The following CNTNAP2 variants were observed in gnomAD, a reference collection of about 807,000 sequenced individuals.
CNTNAP2 encodes the protein contactin associated protein 2.
CNTNAP2 carries 98 observed loss-of-function variants against 155.2 expected under a neutral mutation model. The ratio of observed to expected loss-of-function variants is 0.63; its 90% CI spans 0.54 to 0.75. The LOEUF is 0.75. Among genes scored for constraint, CNTNAP2 ranks in the 30% least tolerant of loss-of-function variants. The probability of loss-of-function intolerance (pLI) is 0.00; values close to 1 mark genes in which losing one functional copy is unlikely to be tolerated. For missense variants in CNTNAP2, 1,727 were observed against 1,688.1 expected (o/e 1.02, Z -0.40); for synonymous variants, 651 against 631.2 (o/e 1.03, Z -0.47).
intron 20 of CNTNAP2, among the ~76,000 whole-genome samples, chr7:148,234,432 G>A (rs1330953572): frequency 2.6e-5 from 4 of 152,152 alleles, no homozygotes; most frequent in Non-Finnish European, 5.9e-5. Flanking sequence ...ACCCACCATT[G>A]AAACATTACA....
chr7:146,597,508 T>G (rs1298719921), intron 1 of CNTNAP2, among the ~76,000 whole-genome samples: 1 of 152,080 alleles, frequency 6.6e-6, no homozygotes, highest in East Asian at 1.9e-4. Flanking sequence ...GTTTTATATA[T>G]AGAAGTATAT....
intron 1 of CNTNAP2, among the ~76,000 whole-genome samples, chr7:146,190,083 C>T (rs533822553): frequency 2.0e-5 from 3 of 152,254 alleles, no homozygotes; most frequent in Non-Finnish European, 4.4e-5. Flanking sequence ...CAGGTAATAA[C>T]GGAGATATAC....
intron 14 of CNTNAP2, among the ~76,000 whole-genome samples, chr7:147,947,538 A>C (rs1800842359): frequency 6.6e-6 from 1 of 151,830 alleles, no homozygotes; most frequent in African/African-American, 2.4e-5. Flanking sequence ...TGAGGTGGGA[A>C]GAATTGCTTA....
chr7:146,460,600 A>G (rs982436662), intron 1 of CNTNAP2, among the ~76,000 whole-genome samples: 3 of 152,222 alleles, frequency 2.0e-5, no homozygotes, highest in African/African-American at 7.2e-5. Flanking sequence ...ATACACATAT[A>G]TAATGAATAT....
At chr7:146,960,800 A>C (rs1441678839) in intron 3 of CNTNAP2, among the ~76,000 whole-genome samples, 3 of 152,162 alleles carry the variant, frequency 2.0e-5, no homozygotes, top group Admixed American at 1.3e-4. Context: ...CCTTTTAGAA[A>C]ATCCCCATAC....
intron 1 of CNTNAP2, among the ~76,000 whole-genome samples, chr7:146,236,958 A>T (rs144328927): frequency 6.6e-6 from 1 of 152,184 alleles, no homozygotes; most frequent in Non-Finnish European, 1.5e-5. Context: ...CAAGAGCTCA[A>T]GATAGCATTT....
chr7:146,366,219 A>T (rs532079718), intron 1 of CNTNAP2, among the ~76,000 whole-genome samples: 121 of 151,842 alleles, frequency 8.0e-4, no homozygotes, highest in African/African-American at 2.3e-3. Flanking sequence ...ATTCTGTGAC[A>T]TAGTGAGAAT....
chr7:147,022,109 C>T (rs1052460077), intron 3 of CNTNAP2, among the ~76,000 whole-genome samples: 3 of 152,016 alleles, frequency 2.0e-5, no homozygotes, highest in Non-Finnish European at 2.9e-5. Context: ...TTTGCTATTT[C>T]TTTGTTGCAG....
At chr7:147,902,206 A>G (rs556460025) in intron 13 of CNTNAP2, among the ~76,000 whole-genome samples, 1 of 152,288 alleles carries the variant, frequency 6.6e-6, no homozygotes, top group Admixed American at 6.5e-5. Flanking sequence ...TTCCAAGGAG[A>G]GAGGTACATA....
intron 15 of CNTNAP2, among the ~76,000 whole-genome samples, chr7:148,096,279 ATGTG>A (rs3056207): frequency 0.23 from 32,569 of 144,544 alleles, 3,800 homozygotes; most frequent in East Asian, 0.43. Flanking sequence ...GCATGCATGC[ATGTG>A]TGTGTGTGTG....
At chr7:146,603,687 A>G (rs924771167) in intron 1 of CNTNAP2, among the ~76,000 whole-genome samples, 4 of 151,338 alleles carry the variant, frequency 2.6e-5, no homozygotes, top group Admixed American at 2.0e-4. Flanking sequence ...ACAAGGCTAC[A>G]GTAACCAAAA....
At chr7:147,955,241 G>A (rs1400757784) in intron 14 of CNTNAP2, among the ~76,000 whole-genome samples, 1 of 152,126 alleles carries the variant, frequency 6.6e-6, no homozygotes, top group Non-Finnish European at 1.5e-5. Context: ...TTATTTTTAT[G>A]AGTTTTACAT....
At chr7:147,070,848 T>C (rs1167090593) in intron 4 of CNTNAP2, among the ~76,000 whole-genome samples, 1 of 152,048 alleles carries the variant, frequency 6.6e-6, no homozygotes, top group East Asian at 1.9e-4. Context: ...TCATTTACGA[T>C]GGAAATGTAT....
chr7:147,716,251 G>A (rs538873880), intron 13 of CNTNAP2, among the ~76,000 whole-genome samples: 71 of 152,012 alleles, frequency 4.7e-4, no homozygotes, highest in Non-Finnish European at 7.6e-4. Context: ...CACAGATATC[G>A]AGGATGCAGA....
rs916323546 is a variant in CNTNAP2 at position 147,003,625 on chromosome 7, G to GAT, written c.403-40274_403-40273dup. 9.2e-5 allele frequency among the ~76,000 whole-genome samples: 14 copies of GAT among 151,846 alleles called. No homozygotes were observed. In the South Asian group the frequency reaches 2.1e-3, roughly 22 times the overall value. On this transcript the variant is annotated intron_variant, in intron 3 of 23. Coordinates refer to ENST00000361727, the MANE Select transcript of CNTNAP2 (RefSeq NM_014141.6). The stretch of plus-strand genomic sequence containing the variant: ...TAGATACGCATGCATATTATTTAGA[G>GAT]ATATATATAAGATATATATACAAGA...
intron 9 of CNTNAP2, among the ~76,000 whole-genome samples, chr7:147,322,588 A>T (rs1465799597): frequency 1.3e-5 from 2 of 149,998 alleles, no homozygotes; most frequent in Non-Finnish European, 3.0e-5. Context: ...TGCTGGCCTC[A>T]TAAAATGAGT....
chr7:148,046,111 C>T (rs955937614), intron 15 of CNTNAP2, among the ~76,000 whole-genome samples: 1 of 152,080 alleles, frequency 6.6e-6, no homozygotes, highest in African/African-American at 2.4e-5. Context: ...GGCAGGGTCT[C>T]ACTCTGTTGC....
intron 20 of CNTNAP2, among the ~76,000 whole-genome samples, chr7:148,241,348 T>G (rs564120790): frequency 6.6e-6 from 1 of 152,344 alleles, no homozygotes; most frequent in African/African-American, 2.4e-5. Context: ...CAACAGGCTC[T>G]TTGGGACTAT....
intron 1 of CNTNAP2, among the ~76,000 whole-genome samples, chr7:146,449,618 C>T (rs1459640999): frequency 1.3e-5 from 2 of 152,122 alleles, no homozygotes; most frequent in Admixed American, 1.3e-4. Flanking sequence ...GTAGCCCTAG[C>T]TAGCCCTTTG....
Sources: allele counts gnomAD v4.1 joint callset (sites outside exome capture counted in the v4.1 genomes callset), GRCh38; gene constraint gnomAD v4.1.1; transcripts MANE v1.5; gene names NCBI Gene and HGNC (gene_info 2026-07-23, HGNC 2026-07-21).